The following GPR149 variants were observed in gnomAD, a reference collection of about 807,000 sequenced individuals.
The protein encoded by GPR149 is G protein-coupled receptor 149, also known as probable G protein-coupled receptor 149.
In GPR149, 50 loss-of-function variants were observed where a neutral mutation model predicts 50.2. The ratio of observed to expected loss-of-function variants is 1.00; its 90% CI spans 0.79 to 1.26. The LOEUF (loss-of-function observed/expected upper bound fraction) is 1.26. Ranked by LOEUF, GPR149 falls within the 50% of genes most tolerant of loss-of-function variation. The pLI is 0.00. For missense variants in GPR149, 983 were observed against 895.4 expected, an observed-to-expected ratio of 1.10 and a Z score of -1.25; for synonymous variants, 405 against 358.2, an observed-to-expected ratio of 1.13 and a Z score of -1.48.
At chr3:154,391,877 T>C (rs961888383) in intron 3 of GPR149, among the ~76,000 whole-genome samples, 5 of 151,764 alleles carry the variant, frequency 3.3e-5, no homozygotes, top group African/African-American at 9.7e-5. Context: ...TATACTTATA[T>C]TGGACAAAAT....
At chr3:154,379,314 G>T (rs1714863635) in intron 3 of GPR149, among the ~76,000 whole-genome samples, 2 of 145,760 alleles carry the variant, frequency 1.4e-5, no homozygotes, top group African/African-American at 5.1e-5. Context: ...TTTTTTTCCA[G>T]TTTATGGCTT....
At chr3:154,350,424 T>C (rs913720955) in intron 3 of GPR149, among the ~76,000 whole-genome samples, 1 of 152,024 alleles carries the variant, frequency 6.6e-6, no homozygotes, top group Non-Finnish European at 1.5e-5. Flanking sequence ...GACATCAAAA[T>C]AAAAAATGCA....
chr3:154,416,224 C>T lies in GPR149; in HGVS notation c.1623+4815G>A, dbSNP rs970189204. On this transcript the variant is annotated intron_variant, in intron 3 of 3. Coordinates refer to ENST00000389740, the MANE Select transcript of GPR149 (RefSeq NM_001038705.3). ...TATTAAATAGAAAGAATTAATTTTG[C>T]CCTGCACTTCAAACTCATGCGCATT... Among the ~76,000 whole-genome samples the T allele has an allele frequency of 3.9e-5, 6 of 151,922 alleles. No individual in the cohort carries two copies. The South Asian group carries it at 1.2e-3, about 31-fold the overall frequency.
intron 3 of GPR149, chr3:154,353,755 G>A (rs907310705): frequency 2.9e-5 from 23 of 801,704 alleles, no homozygotes; most frequent in Non-Finnish European, 4.7e-5. Flanking sequence ...TTCAATCAAG[G>A]GGATGGCAAA....
At chr3:154,354,140 T>A in intron 3 of GPR149, 2 of 477,586 alleles carry the variant, frequency 4.2e-6, no homozygotes, top group Admixed American at 3.0e-5. Flanking sequence ...TTCATTTTAG[T>A]TTTTTTTGGC....
intron 3 of GPR149, among the ~76,000 whole-genome samples, chr3:154,364,394 TCTTAA>T (rs2108397115): frequency 6.6e-6 from 1 of 152,300 alleles, no homozygotes; most frequent in South Asian, 2.1e-4. Flanking sequence ...ACCCCAAAAG[TCTTAA>T]CTTGTTTCAG....
intron 3 of GPR149, chr3:154,351,997 C>CT: frequency 1.1e-5 from 3 of 281,500 alleles, no homozygotes; most frequent in East Asian, 6.2e-5. Context: ...TTGTGAAACA[C>CT]TTTTTAAAAA....
chr3:154,425,057 A>G (rs1466399431), intron 2 of GPR149, among the ~76,000 whole-genome samples: 3 of 151,958 alleles, frequency 2.0e-5, no homozygotes, highest in Non-Finnish European at 4.4e-5. Context: ...AACAAAACAA[A>G]ACAAAACAAC....
In GPR149 at chr3:154,429,191, G is replaced by A; in HGVS notation, c.425C>T (p.Thr142Ile). ...YTMHRGVGSQ[T>I]ASRRSGQVLG... ...CACCTGGCCCGATCTTCTGGAGGCTGTCTGGCTCCCCACACCTCTGTGCAT... is the reference window on the plus strand; with the variant it reads ...CACCTGGCCCGATCTTCTGGAGGCTATCTGGCTCCCCACACCTCTGTGCAT... The change falls in exon 1 of 4, where the codon ACA (threonine) becomes ATA (isoleucine). Residue 142 changes from threonine (T) to isoleucine (I), a missense_variant. By Grantham distance (89) the Thr-to-Ile change is moderately conservative. Transcript: ENST00000389740. 6.2e-7 allele frequency: 1 copy of A among 1,614,122 alleles called. No homozygotes were observed. The highest frequency in any genetic ancestry group is 8.5e-7 in the Non-Finnish European group (1 of 1,180,030).
intron 2 of GPR149, among the ~76,000 whole-genome samples, chr3:154,426,720 C>T (rs1174815157): frequency 1.3e-5 from 2 of 152,152 alleles, no homozygotes; most frequent in Non-Finnish European, 2.9e-5. Flanking sequence ...CTGCTTTCCA[C>T]TCTCATTCTA....
chr3:154,426,522 G>A (rs1315193230), intron 2 of GPR149, among the ~76,000 whole-genome samples: 1 of 152,208 alleles, frequency 6.6e-6, no homozygotes, highest in Non-Finnish European at 1.5e-5. Context: ...TAATAGGACA[G>A]TTAATGCAGC....
At chr3:154,379,300 T>C (rs1235219002) in intron 3 of GPR149, among the ~76,000 whole-genome samples, 1 of 764 alleles carries the variant, frequency 1.3e-3, no homozygotes, top group Non-Finnish European at 2.2e-3. Context: ...TTGCAAAGGT[T>C]TTTTTTTTTT....
intron 3 of GPR149, chr3:154,352,321 G>T: frequency 1.0e-6 from 1 of 979,398 alleles, no homozygotes; most frequent in South Asian, 1.5e-5. Flanking sequence ...TTCCTCCGTT[G>T]GGGATTAGAA....
chr3:154,429,091 G>C lies in GPR149; in HGVS notation c.525C>G (p.Phe175Leu), dbSNP rs199943929. 5 of 1,613,718 alleles carry C rather than the reference G, an allele frequency of 3.1e-6. No individual in the cohort carries two copies. Among genetic ancestry groups the C allele is most frequent in the Non-Finnish European group, 4.2e-6 (5 of 1,179,926 alleles). The change falls in exon 1 of 4, where the codon TTC becomes TTG. Residue 175 changes from phenylalanine (F) to leucine (L), a missense_variant. Phe to Leu is a conservative substitution (Grantham distance 22). Coordinates refer to ENST00000389740, the MANE Select transcript of GPR149 (RefSeq NM_001038705.3). ...SALPLCGWGA[F>L]VRTPWGCLVD... Reference sequence around the variant, plus strand: ...CCAGGCAGCCCCAGGGCGTGCGCACGAAGGCGCCCCAGCCGCACAGCGGGA... The same window carrying C: ...CCAGGCAGCCCCAGGGCGTGCGCACCAAGGCGCCCCAGCCGCACAGCGGGA...
chr3:154,400,056 G>A (rs548436997), intron 3 of GPR149, among the ~76,000 whole-genome samples: 7 of 152,130 alleles, frequency 4.6e-5, no homozygotes, highest in African/African-American at 1.7e-4. Context: ...GCGCGATCTC[G>A]GCTCACTGCA....
At chr3:154,380,531 A>T (rs985556316) in intron 3 of GPR149, among the ~76,000 whole-genome samples, 2 of 152,136 alleles carry the variant, frequency 1.3e-5, no homozygotes, top group African/African-American at 4.8e-5. Context: ...TGATTGCACT[A>T]AATTATTTAT....
intron 3 of GPR149, chr3:154,354,831 GC>G: frequency 2.4e-6 from 1 of 416,766 alleles, no homozygotes; most frequent in South Asian, 5.2e-5. Flanking sequence ...ACGCACAGTG[GC>G]CACAACTACC....
chr3:154,404,142 G>A (rs889406670), intron 3 of GPR149, among the ~76,000 whole-genome samples: 34 of 152,066 alleles, frequency 2.2e-4, no homozygotes, highest in African/African-American at 8.2e-4. Flanking sequence ...ACAATTTATC[G>A]TACCAACAGT....
chr3:154,394,989 A>G (rs1356344121), intron 3 of GPR149, among the ~76,000 whole-genome samples: 1 of 152,196 alleles, frequency 6.6e-6, no homozygotes, highest in Non-Finnish European at 1.5e-5. Context: ...TATTTATAAA[A>G]CAAATAATTG....
Sources: allele counts gnomAD v4.1 joint callset (sites outside exome capture counted in the v4.1 genomes callset), GRCh38; gene constraint gnomAD v4.1.1; transcripts MANE v1.5; gene names NCBI Gene and HGNC (gene_info 2026-07-23, HGNC 2026-07-21).